RPS27A: variants seen among roughly 807,000 people sequenced by gnomAD.
RPS27A encodes the protein ribosomal protein S27a.
RPS27A carries 1 observed loss-of-function variant against 18.9 expected under a neutral mutation model. The ratio of observed to expected loss-of-function variants is 0.05; its 90% CI spans 0.02 to 0.25. The LOEUF is 0.25. Among genes scored for constraint, RPS27A ranks in the 10% least tolerant of loss-of-function variants. The pLI is 1.00. For synonymous variants in RPS27A, 77 were observed against 63.7 expected, an observed-to-expected ratio of 1.21 and a Z score of -0.99; for missense variants, 123 against 187.4, an observed-to-expected ratio of 0.66 and a Z score of 2.01.
rs753215449 is a variant in RPS27A, at chr2:55,234,189, C to G, written c.174C>G (p.Asp58Glu). 6.2e-7 allele frequency: 1 copy of G among 1,606,750 alleles called. No homozygotes were observed. Among genetic ancestry groups the G allele is most frequent in the African/African-American group, 1.3e-5 (1 of 74,836 alleles). ...TGGAAGATGGACGTACTTTGTCTGA[C>G]TACAATATTCAAAAGGTCTGTCTAG... ...KQLEDGRTLS[D>E]YNIQKESTLH... Residue 58 changes from aspartate to glutamate, a missense_variant, in exon 4 of 6, where the codon GAC becomes GAG. Physicochemically the swap from Asp to Glu is conservative, Grantham distance 45. Around this residue, in one of 2 missense-constraint regions of RPS27A, gnomAD observed 66 missense variants for 72.6 expected, o/e 0.91. Transcript: ENST00000272317.
intron 3 of RPS27A, chr2:55,233,745 C>A: frequency 2.1e-6 from 1 of 473,272 alleles, no homozygotes; most frequent in Non-Finnish European, 3.9e-6. Context: ...TTTTGTGCTT[C>A]AGCCTCCCTA....
rs1369683383 is a variant in RPS27A at position 55,235,660 on chromosome 2, TTGA to T, written c.*86_*88del. On this transcript the variant is annotated 3_prime_UTR_variant, in exon 6 of 6. Transcript: ENST00000272317. The stretch of plus-strand genomic sequence containing the variant: ...AAAAGAATGGTTTTTAAGCACCAAA[TTGA>T]TGGTCACACCATTTCCTTTTAGTAG... The T allele has an allele frequency of 3.4e-5, 49 of 1,459,050 alleles. No individual in the cohort carries two copies. The highest frequency in any genetic ancestry group is 4.6e-5 in the Non-Finnish European group (49 of 1,054,226). 90.4% of individuals were successfully genotyped at this position (1,459,050 alleles called of 1,614,324 possible). A position where few individuals can be genotyped will look rare whatever the true frequency, so the allele number is the denominator to read the frequency against.
rs1675539947 is a variant in RPS27A, at chr2:55,232,797, CTCA to C, written c.-17-10_-17-8del. ...TGACCTAACCTGTCTCTTCCTTTTC[CTCA>C]ACCTCAGGTGGAGCCGCCACCAAAA... On this transcript the variant is annotated splice_region_variant and splice_polypyrimidine_tract_variant and intron_variant, in intron 1 of 5. Coordinates refer to ENST00000272317, the MANE Select transcript of RPS27A (RefSeq NM_002954.6). 6.2e-7 allele frequency: 1 copy of C among 1,606,974 alleles called. No homozygotes were observed. Among genetic ancestry groups the C allele is most frequent in the Non-Finnish European group, 8.5e-7 (1 of 1,176,140 alleles).
In RPS27A at chr2:55,235,175, A is replaced by G. The variant is rs1260158568; in HGVS notation, c.321+213A>G. On this transcript the variant is annotated intron_variant, in intron 5 of 5. Coordinates refer to ENST00000272317, the MANE Select transcript of RPS27A (RefSeq NM_002954.6). ...AGTTATGTAATAGGGTTCTGAGTTT[A>G]AAGTCGGGTTTGGGTTCAGGTCTTT... 1.3e-5 allele frequency: 9 copies of G among 711,206 alleles called. No homozygotes were observed. In the East Asian group the frequency reaches 1.9e-4, roughly 15 times the overall value. 44.1% of individuals were successfully genotyped at this position (711,206 alleles called of 1,614,324 possible).
intron 2 of RPS27A, 180 bp from the exon 3 acceptor site, chr2:55,233,183 G>C: frequency 1.4e-6 from 1 of 693,682 alleles, no homozygotes; most frequent in Non-Finnish European, 2.6e-6. Flanking sequence ...CTCTGGGCTG[G>C]GGAGATGAAG....
At chr2:55,233,450 C>T (rs373687449) in intron 3 of RPS27A, 33 bp downstream of exon 3, 63 of 1,543,280 alleles carry the variant, frequency 4.1e-5, no homozygotes, top group Non-Finnish European at 5.4e-5. Flanking sequence ...GAAAACTTAA[C>T]CTGCGGAGAC....
rs114867590 is a variant in RPS27A at position 55,234,414 on chromosome 2, C to T, written c.189+210C>T. Reference sequence around the variant, plus strand: ...ATAGGCACCCGCCACCATGCCCAGGCTGGTCTCAAACTCCTGGGCATAAGT... The same window carrying T: ...ATAGGCACCCGCCACCATGCCCAGGTTGGTCTCAAACTCCTGGGCATAAGT... On this transcript the variant is annotated intron_variant, in intron 4 of 5. Coordinates refer to ENST00000272317, the MANE Select transcript of RPS27A (RefSeq NM_002954.6). 5.1e-3 allele frequency: 3,051 copies of T among 598,644 alleles called. 75 individuals carry two copies. In the African/African-American group the frequency reaches 0.051, roughly 10 times the overall value. The allele number at this position is 598,644 out of a possible 1,614,324, so 37.1% of individuals were successfully genotyped here. A position where few individuals can be genotyped will look rare whatever the true frequency, so the allele number is the denominator to read the frequency against.
intron 5 of RPS27A, 112 bp downstream of exon 5, chr2:55,235,074 C>A: frequency 1.6e-6 from 2 of 1,222,962 alleles, no homozygotes; most frequent in East Asian, 2.5e-5. Context: ...TATTATCCCA[C>A]TTTGGTTTAA....
intron 2 of RPS27A, 23 bp from the exon 3 acceptor site, chr2:55,233,340 T>G (rs1675594377): frequency 6.3e-7 from 1 of 1,598,380 alleles, no homozygotes; most frequent in Non-Finnish European, 8.6e-7. Context: ...GTAACCAACA[T>G]GCTTTCACTT....
At chr2:55,232,678 G>A (rs1440003327), upstream of RPS27A, 5 of 767,662 alleles carry the variant, frequency 6.5e-6, no homozygotes, top group African/African-American at 1.7e-5. Context: ...GGGCCTGCGC[G>A]GCGTTCTTCC....
At chr2:55,235,381 C>T in intron 5 of RPS27A, 47 bp from the exon 6 acceptor site, 1 of 1,604,538 alleles carries the variant, frequency 6.2e-7, no homozygotes. Flanking sequence ...AATTAGACTT[C>T]AGAATGTGTT....
chr2:55,234,848 T>C lies in RPS27A; in HGVS notation c.207T>C (p.Leu69=). The change falls in exon 5 of 6, where the codon CTT becomes CTC. Residue 69 remains leucine, a synonymous_variant. Transcript: ENST00000272317. Reference sequence around the variant, plus strand: ...ATTAACAGGAGTCTACTCTTCATCTTGTGTTGAGACTTCGTGGTGGTGCTA... The same window carrying C: ...ATTAACAGGAGTCTACTCTTCATCTCGTGTTGAGACTTCGTGGTGGTGCTA... ...YNIQKESTLH[L]VLRLRGGAKK... 1 of 1,612,494 alleles carries C rather than the reference T, an allele frequency of 6.2e-7. No homozygotes were observed. The highest frequency in any genetic ancestry group is 8.5e-7 in the Non-Finnish European group (1 of 1,179,988).
In RPS27A at chr2:55,234,184, T is replaced by C. The variant is rs11557872; in HGVS notation, c.169T>C (p.Ser57Pro). 1.6e-3 allele frequency: 2,516 copies of C among 1,609,560 alleles called. 3 individuals are homozygous for C. Among genetic ancestry groups the C allele is most frequent in the Non-Finnish European group, 2.0e-3 (2,298 of 1,175,840 alleles). The stretch of plus-strand genomic sequence containing the variant: ...GCAGCTGGAAGATGGACGTACTTTG[T>C]CTGACTACAATATTCAAAAGGTCTG... The part of the protein sequence containing the change: ...GKQLEDGRTL[S>P]DYNIQKESTL... The change falls in exon 4 of 6, where the codon TCT (serine) becomes CCT (proline). Residue 57 changes from serine (S) to proline (P), a missense_variant. Ser to Pro is a moderately conservative substitution (Grantham distance 74). Around this residue, in one of 2 missense-constraint regions of RPS27A, gnomAD observed 66 missense variants for 72.6 expected, o/e 0.91. Transcript: ENST00000272317.
At position 55,235,628 on chromosome 2, in the gene RPS27A, T is replaced by C. The variant is rs766042973; in HGVS notation, c.*51T>C. ...ACTAACATTTATTGTTGGGTTTTAT[T>C]GCAGTAAAAAGAATGGTTTTTAAGC... On this transcript the variant is annotated 3_prime_UTR_variant, in exon 6 of 6. Coordinates refer to ENST00000272317, the MANE Select transcript of RPS27A (RefSeq NM_002954.6). 6.3e-7 allele frequency: 1 copy of C among 1,589,860 alleles called. No individual in the cohort carries two copies. The highest frequency in any genetic ancestry group is 1.7e-5 in the Admixed American group (1 of 60,008).
chr2:55,234,062 C>A, intron 3 of RPS27A, 57 bp from the exon 4 acceptor site: 1 of 1,117,122 alleles, frequency 9.0e-7, no homozygotes, highest in Non-Finnish European at 1.4e-6. Flanking sequence ...CCTTATAAGT[C>A]TGGAGCACAT....
chr2:55,234,637 T>A, intron 4 of RPS27A, 194 bp from the exon 5 acceptor site: 1 of 647,816 alleles, frequency 1.5e-6, no homozygotes, highest in Non-Finnish European at 2.7e-6. Context: ...TATCCCATGG[T>A]GTAATGTAAT....
chr2:55,233,995 C>G, intron 3 of RPS27A, 124 bp from the exon 4 acceptor site: 1 of 756,594 alleles, frequency 1.3e-6, no homozygotes, highest in Admixed American at 1.9e-5. Flanking sequence ...CATGCCTAAC[C>G]TCTAGTAAGG....
intron 2 of RPS27A, 128 bp from the exon 3 acceptor site, chr2:55,233,235 G>A: frequency 1.2e-6 from 1 of 813,668 alleles, no homozygotes; most frequent in Non-Finnish European, 2.1e-6. Context: ...CCACTGGGTG[G>A]GTAATAGGTC....
At chr2:55,233,135 C>T (rs1573826495) in intron 2 of RPS27A, 7 of 637,976 alleles carry the variant, frequency 1.1e-5, no homozygotes, top group South Asian at 5.6e-5. Context: ...GCTCTGCCCG[C>T]CGGGTGCGAG....
Sources: allele counts gnomAD v4.1 joint callset, GRCh38; gene constraint gnomAD v4.1.1; regional missense constraint gnomAD v4.1.1; transcripts MANE v1.5; gene names NCBI Gene and HGNC (gene_info 2026-07-23, HGNC 2026-07-21).